Variants in RBFOX1 observed in about 807,000 individuals in gnomAD.
RBFOX1 encodes the protein RNA binding fox-1 homolog 1.
Under a neutral mutation model 57.7 loss-of-function variants are expected in RBFOX1, and 8 were observed. The observed-to-expected ratio is 0.14, with a 90% CI of 0.08 to 0.25. The LOEUF (loss-of-function observed/expected upper bound fraction) is 0.25. Among genes scored for constraint, RBFOX1 ranks in the 10% least tolerant of loss-of-function variants. The pLI is 1.00. For synonymous variants in RBFOX1, 326 were observed against 222.4 expected (o/e 1.47, Z -4.15); for missense variants, 611 against 548.5 (o/e 1.11, Z -1.14).
chr16:6,501,443 G>A (rs809092), intron 2 of RBFOX1, among the ~76,000 whole-genome samples: 62,336 of 151,160 alleles, frequency 0.41, 13,136 homozygotes, highest in East Asian at 0.59. Flanking sequence ...TTCCAGCTTC[G>A]TCCATGTCCC....
intron 9 of RBFOX1, among the ~76,000 whole-genome samples, chr16:7,599,799 G>GT (rs113220306): frequency 0.9 from 132,567 of 147,378 alleles, 59,878 homozygotes; most frequent in African/African-American, 0.96. Context: ...TGCCTGGCTA[G>GT]TTTTTTTTTT....
At chr16:6,497,620 G>T (rs537991902) in intron 2 of RBFOX1, among the ~76,000 whole-genome samples, 1 of 151,126 alleles carries the variant, frequency 6.6e-6, no homozygotes, top group African/African-American at 2.4e-5. Flanking sequence ...GCAGTGGCGC[G>T]ATCTTGGCTT....
At chr16:7,302,956 A>T (rs766236825) in intron 4 of RBFOX1, among the ~76,000 whole-genome samples, 19 of 152,208 alleles carry the variant, frequency 1.2e-4, no homozygotes, top group Admixed American at 2.6e-4. Flanking sequence ...AATAAAAAAA[A>T]TAAATAAATA....
chr16:5,373,311 G>T (rs948133532), intron 1 of RBFOX1, among the ~76,000 whole-genome samples: 1 of 152,166 alleles, frequency 6.6e-6, no homozygotes, highest in South Asian at 2.1e-4. Context: ...AGCAAATTTC[G>T]TGTCGAATTG....
chr16:5,948,262 G>A (rs997443433), intron 4 of RBFOX1, among the ~76,000 whole-genome samples: 1 of 152,170 alleles, frequency 6.6e-6, no homozygotes, highest in Non-Finnish European at 1.5e-5. Context: ...GGAAGGCTTT[G>A]CTGCTGCTGA....
intron 5 of RBFOX1, among the ~76,000 whole-genome samples, chr16:7,568,721 T>G (rs1393084446): frequency 6.6e-6 from 1 of 151,310 alleles, no homozygotes; most frequent in Non-Finnish European, 1.5e-5. Flanking sequence ...CCGACTCTAC[T>G]AAAAATACAA....
chr16:5,840,114 C>T (rs2056580352), intron 3 of RBFOX1, among the ~76,000 whole-genome samples: 1 of 152,198 alleles, frequency 6.6e-6, no homozygotes, highest in Non-Finnish European at 1.5e-5. Flanking sequence ...CTCAATTTCT[C>T]TGCATCCAAA....
At position 5,295,130 on chromosome 16, in the gene RBFOX1, A is replaced by G. The variant is rs2082614792; in HGVS notation, c.219+55025A>G. Among the ~76,000 whole-genome samples, 4 of 151,388 alleles carry G rather than the reference A, an allele frequency of 2.6e-5. No homozygotes were observed. The South Asian group carries it at 8.4e-4, about 32-fold the overall frequency. On this transcript the variant is annotated intron_variant, in intron 1 of 2. Transcript: ENST00000585867. ...GGCATTTGTCAGAAATACATTTGGT[A>G]TATGTAGCTGGGGTCACATGCTTGA...
Position 6,558,847 on chromosome 16 carries a change from A to C in RBFOX1, c.-63-95756A>C, listed in dbSNP as rs1414351395. Among the ~76,000 whole-genome samples the C allele has an allele frequency of 4.1e-5, 6 of 145,058 alleles. No individual in the cohort carries two copies. In the Middle Eastern group the frequency reaches 0.018, roughly 435 times the overall value. On this transcript the variant is annotated intron_variant, in intron 2 of 15. Coordinates refer to ENST00000550418, the MANE Select transcript of RBFOX1 (RefSeq NM_018723.4). ...CGCCATGCTGACTTTTACTTCCCCA[A>C]ACATACCCAGCTCCTCCTGAGTGGG...
chr16:7,367,668 C>T (rs1189439519), intron 4 of RBFOX1, among the ~76,000 whole-genome samples: 2 of 152,126 alleles, frequency 1.3e-5, no homozygotes, highest in East Asian at 1.9e-4. Context: ...AGTGGAGAAA[C>T]AGAGAACAAA....
intron 7 of RBFOX1, among the ~76,000 whole-genome samples, chr16:7,593,425 T>C (rs1343291373): frequency 6.6e-6 from 1 of 152,180 alleles, no homozygotes; most frequent in Non-Finnish European, 1.5e-5. Flanking sequence ...GCGAGTGTAT[T>C]TGCATACCCA....
At chr16:7,041,484 C>G (rs754890966) in intron 3 of RBFOX1, among the ~76,000 whole-genome samples, 3 of 152,126 alleles carry the variant, frequency 2.0e-5, no homozygotes, top group Non-Finnish European at 4.4e-5. Context: ...AGTTCTGGGT[C>G]TGTTCTGTGA....
rs184907966 is a variant in RBFOX1, at chr16:5,723,885, A to G, written c.318+124924A>G. Among the ~76,000 whole-genome samples the G allele has an allele frequency of 1.4e-4, 22 of 152,336 alleles. 1 individual carries two copies. The East Asian group carries it at 4.1e-3, about 28-fold the overall frequency. On this transcript the variant is annotated intron_variant, in intron 3 of 19. Coordinates refer to the RBFOX1 transcript ENST00000641259. ...TTCCTTACAGCAAAGTCGCTTCTAC[A>G]TGGGCATCTCTTTAAAGAGCTCAAG...
intron 4 of RBFOX1, among the ~76,000 whole-genome samples, chr16:5,886,152 G>A (rs963465850): frequency 4.6e-5 from 7 of 152,094 alleles, no homozygotes; most frequent in East Asian, 1.9e-4. Flanking sequence ...ACAGCTTGTG[G>A]AACTGCCAGT....
At chr16:7,384,945 G>A (rs1568545410) in intron 4 of RBFOX1, among the ~76,000 whole-genome samples, 1 of 152,238 alleles carries the variant, frequency 6.6e-6, no homozygotes, top group African/African-American at 2.4e-5. Context: ...GGGAGCTCTA[G>A]AAAGGCTCCT....
intron 1 of RBFOX1, among the ~76,000 whole-genome samples, chr16:5,432,210 C>G (rs1192459252): frequency 6.6e-6 from 1 of 152,084 alleles, no homozygotes; most frequent in Non-Finnish European, 1.5e-5. Flanking sequence ...CTGAAAAACA[C>G]AATTCTGAAA....
intron 3 of RBFOX1, among the ~76,000 whole-genome samples, chr16:6,726,100 G>C (rs182824688): frequency 1.3e-5 from 2 of 152,262 alleles, no homozygotes; most frequent in Admixed American, 1.3e-4. Flanking sequence ...TGTTAAATAT[G>C]AGAGAACTTT....
intron 3 of RBFOX1, among the ~76,000 whole-genome samples, chr16:6,684,710 A>G (rs781674696): frequency 3.9e-5 from 6 of 152,198 alleles, no homozygotes; most frequent in Non-Finnish European, 8.8e-5. Flanking sequence ...ATCACCTTAA[A>G]TTGTGCATGA....
intron 2 of RBFOX1, among the ~76,000 whole-genome samples, chr16:6,421,105 A>T (rs1299674360): frequency 2.0e-5 from 3 of 152,218 alleles, no homozygotes; most frequent in African/African-American, 7.2e-5. Flanking sequence ...GCTGGATGTG[A>T]GCAAGCTTGG....
Sources: allele counts gnomAD v4.1 joint callset (sites outside exome capture counted in the v4.1 genomes callset), GRCh38; gene constraint gnomAD v4.1.1; transcripts MANE v1.5; gene names NCBI Gene and HGNC (gene_info 2026-07-23, HGNC 2026-07-21).